ZNF618: variants seen among roughly 807,000 people sequenced by gnomAD.
ZNF618 encodes the protein zinc finger protein 618.
In ZNF618, 34 loss-of-function variants were observed where a neutral mutation model predicts 103.0. The observed-to-expected ratio is 0.33, with a 90% CI of 0.25 to 0.44. The LOEUF (loss-of-function observed/expected upper bound fraction) is 0.44, where lower values mean the gene tolerates loss of function less well. ZNF618 is among the 20% of genes least tolerant of loss of function. ZNF618 has a pLI of 1.00. For synonymous variants in ZNF618, 551 were observed against 542.2 expected (o/e 1.02, Z -0.23); for missense variants, 1,059 against 1,295.4 (o/e 0.82, Z 2.80).
Position 114,052,657 on chromosome 9 carries a change from A to G in ZNF618, c.*2490A>G, listed in dbSNP as rs1445151999. 6.6e-6 allele frequency: 1 copy of G among 152,214 alleles called. No homozygotes were observed. The highest frequency in any genetic ancestry group is 1.5e-5 in the Non-Finnish European group (1 of 68,058). 9.4% of individuals were successfully genotyped at this position (152,214 alleles called of 1,614,324 possible). On this transcript the variant is annotated 3_prime_UTR_variant, in exon 15 of 15. Coordinates refer to ENST00000374126, the MANE Select transcript of ZNF618 (RefSeq NM_001318042.2). ...CAGTGACCGGCACTTTGACCCACAC[A>G]AGGATAGGAGCTGCCTACTTTGTGT...
At chr9:113,884,001 C>G (rs1294063390) in intron 1 of ZNF618, among the ~76,000 whole-genome samples, 1 of 59,110 alleles carries the variant, frequency 1.7e-5, no homozygotes, top group Non-Finnish European at 5.9e-5. Flanking sequence ...CCCCCCCCCC[C>G]CGCCCTGTAC....
At chr9:114,004,046 A>T (rs1195691323) in intron 6 of ZNF618, among the ~76,000 whole-genome samples, 1 of 152,224 alleles carries the variant, frequency 6.6e-6, no homozygotes, top group African/African-American at 2.4e-5. Flanking sequence ...TCACAAAAAA[A>T]GATTCTTAAC....
intron 1 of ZNF618, among the ~76,000 whole-genome samples, chr9:113,910,382 G>A (rs578034547): frequency 6.6e-6 from 1 of 152,264 alleles, no homozygotes; most frequent in South Asian, 2.1e-4. Flanking sequence ...TTCCTGCCGA[G>A]TCCACTTAGC....
At chr9:113,947,809 T>G (rs1248118480) in intron 1 of ZNF618, among the ~76,000 whole-genome samples, 1 of 152,172 alleles carries the variant, frequency 6.6e-6, no homozygotes, top group East Asian at 1.9e-4. Flanking sequence ...CGCAGCTCTA[T>G]TGTTGTGTTT....
chr9:114,022,385 A>G lies in ZNF618; in HGVS notation c.844+5601A>G, dbSNP rs373733337. ...ATACAATTCAACAGTTAAGCTTTTG[A>G]GCCTGAAGTTTTCTTTGTAGGAAGG... On this transcript the variant is annotated intron_variant, in intron 10 of 14. Coordinates refer to ENST00000374126, the MANE Select transcript of ZNF618 (RefSeq NM_001318042.2). Among the ~76,000 whole-genome samples, 362 of 152,148 alleles carry G rather than the reference A, an allele frequency of 2.4e-3. 3 individuals carry two copies. The highest frequency in any genetic ancestry group is 0.023 in the South Asian group (113 of 4,822).
chr9:113,930,193 A>G (rs913839312), intron 1 of ZNF618, among the ~76,000 whole-genome samples: 2 of 152,174 alleles, frequency 1.3e-5, no homozygotes, highest in African/African-American at 4.8e-5. Flanking sequence ...ATTTCCCCCA[A>G]GTTTTTTGGG....
intron 14 of ZNF618, 64 bp from the exon 15 acceptor site, chr9:114,048,587 A>G (rs886112064): frequency 6.7e-7 from 1 of 1,500,948 alleles, no homozygotes; most frequent in East Asian, 2.3e-5. Context: ...GTGTTAGGCT[A>G]CTGCCACTCC....
rs185618172 is a variant in ZNF618, at chr9:114,025,892, G to A, written c.845-2841G>A. Among the ~76,000 whole-genome samples the A allele has an allele frequency of 3.2e-4, 49 of 152,356 alleles. 1 individual carries two copies. Among genetic ancestry groups the A allele is most frequent in the South Asian group, 1.9e-3 (9 of 4,824 alleles). ...ACATGGATTCCACAATGTCTCTTGA[G>A]CACTGTGTTTCAGGGAACGTGCCAA... On this transcript the variant is annotated intron_variant, in intron 10 of 14. Transcript: ENST00000374126.
chr9:113,905,984 T>C (rs560385765), intron 1 of ZNF618, among the ~76,000 whole-genome samples: 8 of 152,182 alleles, frequency 5.3e-5, no homozygotes, highest in Non-Finnish European at 1.0e-4. Flanking sequence ...TTGCCTGTTA[T>C]CCAGTGTCTA....
chr9:113,955,467 A>G (rs1290434453), intron 1 of ZNF618, among the ~76,000 whole-genome samples: 1 of 152,162 alleles, frequency 6.6e-6, no homozygotes, highest in East Asian at 1.9e-4. Flanking sequence ...CTTCCTTTCC[A>G]GCTGTGAGAG....
intron 1 of ZNF618, among the ~76,000 whole-genome samples, chr9:113,928,035 G>A (rs1221612474): frequency 1.3e-5 from 2 of 152,132 alleles, no homozygotes; most frequent in Admixed American, 6.5e-5. Flanking sequence ...TTCTTGTTAC[G>A]AGGCATGGAG....
chr9:113,995,680 C>T (rs1321065735), intron 3 of ZNF618, among the ~76,000 whole-genome samples: 2 of 152,152 alleles, frequency 1.3e-5, no homozygotes, highest in Non-Finnish European at 2.9e-5. Flanking sequence ...GGTCTCTTCG[C>T]TGACAACTCC....
At position 113,988,358 on chromosome 9, in the gene ZNF618, G is replaced by T. The variant is rs907883978; in HGVS notation, c.115G>T (p.Glu39Ter). 6.2e-7 allele frequency: 1 copy of T among 1,613,246 alleles called. No homozygotes were observed. The highest frequency in any genetic ancestry group is 1.7e-5 in the Admixed American group (1 of 60,018). Residue 39 changes from glutamate to a stop codon, truncating the protein, a stop_gained, in exon 3 of 15, where the codon GAG becomes TAG. Coordinates refer to ENST00000374126, the MANE Select transcript of ZNF618 (RefSeq NM_001318042.2). LOFTEE classifies it high-confidence loss of function. ...LKRSQKSTKV[E>*]GPEPVPAEAS... ...GCGCAGCCAGAAGAGCACCAAGGTG[G>T]AGGGCCCAGAGCCAGTGCCAGCCGA...
At chr9:114,046,798 A>C (rs1228657455) in intron 13 of ZNF618, among the ~76,000 whole-genome samples, 1 of 152,196 alleles carries the variant, frequency 6.6e-6, no homozygotes, top group South Asian at 2.1e-4. Context: ...TGAGATGACC[A>C]TGTGATTTTT....
At chr9:113,890,639 T>C (rs546249017) in intron 1 of ZNF618, among the ~76,000 whole-genome samples, 1 of 152,372 alleles carries the variant, frequency 6.6e-6, no homozygotes, top group Non-Finnish European at 1.5e-5. Flanking sequence ...GAAAGCTGAC[T>C]GCAGGACCAT....
chr9:113,967,200 C>T (rs1203960700), intron 1 of ZNF618, among the ~76,000 whole-genome samples: 1 of 152,178 alleles, frequency 6.6e-6, no homozygotes, highest in Non-Finnish European at 1.5e-5. Context: ...ATCTCTGGGG[C>T]AGAATTTCCA....
chr9:114,029,605 G>C (rs1490486325), intron 11 of ZNF618, among the ~76,000 whole-genome samples: 2 of 151,960 alleles, frequency 1.3e-5, no homozygotes, highest in African/African-American at 4.8e-5. Flanking sequence ...GCATGAGTTT[G>C]CATCTCCCAC....
intron 1 of ZNF618, among the ~76,000 whole-genome samples, chr9:113,953,260 A>T (rs1416147249): frequency 6.6e-6 from 1 of 152,166 alleles, no homozygotes; most frequent in Non-Finnish European, 1.5e-5. Context: ...TATCCTCGGG[A>T]GAGATGGTTA....
intron 1 of ZNF618, among the ~76,000 whole-genome samples, chr9:113,937,201 T>C (rs1352751399): frequency 1.3e-5 from 2 of 152,226 alleles, no homozygotes; most frequent in African/African-American, 4.8e-5. Context: ...CCCACATTCC[T>C]CAAATGTTAA....
Sources: gnomAD v4.1 joint callset for allele counts (sites outside exome capture counted in the v4.1 genomes callset) on GRCh38, gnomAD v4.1.1 for gene constraint, MANE v1.5 for transcripts, NCBI Gene and HGNC (gene_info 2026-07-23, HGNC 2026-07-21) for gene names.